FSTL5: variants seen among roughly 807,000 people sequenced by gnomAD.
The protein encoded by FSTL5 is follistatin like 5.
FSTL5 carries 62 observed loss-of-function variants against 89.1 expected under a neutral mutation model. That is an observed-to-expected ratio of 0.70 (90% CI 0.57 to 0.86). The LOEUF (loss-of-function observed/expected upper bound fraction) is 0.86, where lower values mean the gene tolerates loss of function less well. Ranked by LOEUF, FSTL5 falls within the 40% of genes least tolerant of loss-of-function variation. FSTL5 has a pLI of 0.00. For synonymous variants in FSTL5, 383 were observed against 346.2 expected (o/e 1.11, Z -1.18); for missense variants, 1,057 against 1,001.6 (o/e 1.06, Z -0.75).
chr4:161,855,894 G>C (rs917235676), intron 4 of FSTL5, among the ~76,000 whole-genome samples: 7 of 152,002 alleles, frequency 4.6e-5, no homozygotes, highest in East Asian at 3.9e-4. Context: ...GTTCAAAGAG[G>C]GTGAGGAAAT....
rs556208490 is a variant in FSTL5, at chr4:162,091,143, T to C, written c.126+20128A>G. Among the ~76,000 whole-genome samples the C allele has an allele frequency of 5.1e-4, 78 of 152,308 alleles. 1 individual carries two copies. Among genetic ancestry groups the C allele is most frequent in the African/African-American group, 1.8e-3 (76 of 41,582 alleles). On this transcript the variant is annotated intron_variant, in intron 2 of 15. Transcript: ENST00000306100. ...CTTAGTAACTCCAAAATCATTTCTT[T>C]CAGGTTTCAGCTAAATTGTCACTTC... is the stretch of plus-strand genomic sequence containing the variant.
chr4:161,645,259 T>C (rs116114156), intron 7 of FSTL5, among the ~76,000 whole-genome samples: 2,149 of 152,224 alleles, frequency 0.014, 45 homozygotes, highest in African/African-American at 0.047. Flanking sequence ...AAGAAAGTCA[T>C]GATAAAATTA....
chr4:161,503,735 A>C (rs1018067807), intron 11 of FSTL5, among the ~76,000 whole-genome samples: 2 of 151,912 alleles, frequency 1.3e-5, no homozygotes, highest in Non-Finnish European at 2.9e-5. Flanking sequence ...TTCAGATGGT[A>C]CTCACTTCCT....
At chr4:161,619,782 G>C (rs182302524) in intron 7 of FSTL5, among the ~76,000 whole-genome samples, 1,622 of 152,174 alleles carry the variant, frequency 0.011, 27 homozygotes, top group African/African-American at 0.037. Flanking sequence ...TCAGTGTGGC[G>C]ATTCCTCAGG....
intron 15 of FSTL5, among the ~76,000 whole-genome samples, chr4:161,429,051 C>T (rs1329439278): frequency 5.3e-5 from 8 of 151,952 alleles, no homozygotes. Flanking sequence ...TTACTGAAGC[C>T]CTCTTGGGAT....
intron 8 of FSTL5, among the ~76,000 whole-genome samples, chr4:161,581,724 A>G (rs1281136277): frequency 6.6e-6 from 1 of 152,226 alleles, no homozygotes; most frequent in Non-Finnish European, 1.5e-5. Flanking sequence ...CCAACAAACA[A>G]CAACCACTTT....
intron 3 of FSTL5, among the ~76,000 whole-genome samples, chr4:161,986,833 C>T (rs13114849): frequency 0.033 from 4,945 of 152,108 alleles, 93 homozygotes; most frequent in Non-Finnish European, 0.049. Context: ...ATTAGGAATT[C>T]CTGCTCAGAT....
At chr4:162,147,766 G>A (rs530067938) in intron 1 of FSTL5, among the ~76,000 whole-genome samples, 4 of 152,022 alleles carry the variant, frequency 2.6e-5, no homozygotes, top group South Asian at 2.1e-4. Flanking sequence ...TAATCACAGC[G>A]CTTTGGGTGG....
chr4:161,473,981 T>A (rs1734038292), intron 13 of FSTL5, among the ~76,000 whole-genome samples: 1 of 152,200 alleles, frequency 6.6e-6, no homozygotes, highest in Non-Finnish European at 1.5e-5. Context: ...GCACTTCCTT[T>A]TGTTATTTTG....
At chr4:161,917,129 A>AT (rs963895398) in intron 4 of FSTL5, among the ~76,000 whole-genome samples, 2 of 151,514 alleles carry the variant, frequency 1.3e-5, no homozygotes, top group African/African-American at 2.4e-5. Flanking sequence ...ATTTTTTTGT[A>AT]TTTTTTTTAG....
intron 2 of FSTL5, among the ~76,000 whole-genome samples, 189 bp downstream of exon 2, chr4:162,111,082 T>G (rs1367524791): frequency 1.3e-5 from 2 of 152,096 alleles, no homozygotes; most frequent in African/African-American, 4.8e-5. Context: ...CAAGAAGTAG[T>G]TCTCGAAATT....
chr4:161,616,211 C>T (rs930746323), intron 7 of FSTL5, among the ~76,000 whole-genome samples: 1 of 152,074 alleles, frequency 6.6e-6, no homozygotes, highest in Non-Finnish European at 1.5e-5. Context: ...CTCAGCCTCC[C>T]AAGTAGCTGG....
chr4:161,812,630 C>G (rs965629095), intron 4 of FSTL5, among the ~76,000 whole-genome samples: 2 of 151,892 alleles, frequency 1.3e-5, no homozygotes, highest in Non-Finnish European at 2.9e-5. Flanking sequence ...TAGGAAGTCC[C>G]CATCAATTGT....
intron 2 of FSTL5, among the ~76,000 whole-genome samples, chr4:162,109,629 C>T (rs1251630866): frequency 6.6e-6 from 1 of 151,874 alleles, no homozygotes; most frequent in Non-Finnish European, 1.5e-5. Context: ...TCTTTAGCAT[C>T]CAAACATAAT....
intron 13 of FSTL5, among the ~76,000 whole-genome samples, chr4:161,463,348 T>C (rs1287748453): frequency 6.6e-6 from 1 of 152,146 alleles, no homozygotes; most frequent in Non-Finnish European, 1.5e-5. Context: ...AAAAGTAATA[T>C]AACATACTTT....
At chr4:161,574,849 T>G (rs1156271315) in intron 8 of FSTL5, among the ~76,000 whole-genome samples, 3 of 152,184 alleles carry the variant, frequency 2.0e-5, no homozygotes, top group African/African-American at 4.8e-5. Flanking sequence ...TCATAATCCT[T>G]TCGGTATATG....
chr4:161,680,862 C>G (rs1342652444), intron 6 of FSTL5, among the ~76,000 whole-genome samples: 1 of 151,996 alleles, frequency 6.6e-6, no homozygotes, highest in East Asian at 1.9e-4. Flanking sequence ...CATTAAAAGA[C>G]TGAAACTAGC....
Position 162,033,691 on chromosome 4 carries a change from G to T in FSTL5, c.127-33C>A, listed in dbSNP as rs1737624139. On this transcript the variant is annotated intron_variant, in intron 2 of 15. Coordinates refer to ENST00000306100, the MANE Select transcript of FSTL5 (RefSeq NM_020116.5). ...TAAAACAGAAAATAGGTCAAAATAT[G>T]TAAGTAAATATGTGATCAACTGTTT... 2.4e-6 allele frequency: 3 copies of T among 1,256,968 alleles called. No individual in the cohort carries two copies. In the Admixed American group the frequency reaches 6.3e-5, roughly 26 times the overall value. 77.9% of individuals were successfully genotyped at this position (1,256,968 alleles called of 1,614,324 possible). A position where few individuals can be genotyped will look rare whatever the true frequency, so the allele number is the denominator to read the frequency against.
At chr4:161,712,731 T>A (rs1404631157) in intron 6 of FSTL5, among the ~76,000 whole-genome samples, 1 of 152,034 alleles carries the variant, frequency 6.6e-6, no homozygotes, top group Non-Finnish European at 1.5e-5. Context: ...TCTCACTCCA[T>A]GAGTTCACTG....
Sources: allele counts gnomAD v4.1 joint callset (sites outside exome capture counted in the v4.1 genomes callset), GRCh38; gene constraint gnomAD v4.1.1; transcripts MANE v1.5; gene names NCBI Gene and HGNC (gene_info 2026-07-23, HGNC 2026-07-21).